The following PIK3C2B variants were observed in gnomAD, a reference collection of about 807,000 sequenced individuals.
PIK3C2B encodes the protein phosphatidylinositol-4-phosphate 3-kinase catalytic subunit type 2 beta, also known as phosphatidylinositol 4-phosphate 3-kinase C2 domain-containing subunit beta.
A neutral mutation model predicts 184.3 loss-of-function variants in PIK3C2B; 83 were observed. The observed-to-expected ratio is 0.45, with a 90% CI of 0.38 to 0.54. The LOEUF is 0.54. Ranked by LOEUF, PIK3C2B falls within the 20% of genes least tolerant of loss-of-function variation. The probability of loss-of-function intolerance (pLI) is 0.00; values close to 1 mark genes in which losing one functional copy is unlikely to be tolerated. For synonymous variants in PIK3C2B, 779 were observed against 837.6 expected (o/e 0.93, Z 1.21); for missense variants, 1,736 against 2,113.5 (o/e 0.82, Z 3.50).
rs747318448 is a variant in PIK3C2B at position 204,433,820 on chromosome 1, G to T, written c.3816C>A (p.Thr1272=). Residue 1272 remains threonine, a synonymous_variant, in exon 25 of 33, where the codon ACC becomes ACA. Coordinates refer to ENST00000684373, the MANE Select transcript of PIK3C2B (RefSeq NM_001377334.1). The surrounding 1 kb of genome is among the most constrained non-coding windows in gnomAD (Gnocchi z 5.0). ...GGCCCAGAAGGTTGAGGAAGAGGTG[G>T]GTGTGCTTGCGAATGAGGTTGTAGG... ...CQAYNLIRKH[T]HLFLNLLGLM... is the part of the protein sequence containing the mutation. The T allele has an allele frequency of 4.8e-5, 77 of 1,614,032 alleles. No individual in the cohort carries two copies. The highest frequency in any genetic ancestry group is 6.2e-5 in the Non-Finnish European group (73 of 1,180,002).
chr1:204,470,493 A>C lies in PIK3C2B; in HGVS notation c.-84-607T>G, dbSNP rs193028108. ...AAGAGGCACCTTCTATTAGCCAAGA[A>C]GAAGAGATGGAAGCAAAGCTTCTCC... On this transcript the variant is annotated intron_variant, in intron 1 of 32. Coordinates refer to ENST00000684373, the MANE Select transcript of PIK3C2B (RefSeq NM_001377334.1). Among the ~76,000 whole-genome samples, 874 of 152,332 alleles carry C rather than the reference A, an allele frequency of 5.7e-3. 5 individuals are homozygous for C. The highest frequency in any genetic ancestry group is 0.02 in the African/African-American group (815 of 41,572).
intron 29 of PIK3C2B, among the ~76,000 whole-genome samples, chr1:204,428,496 AG>A (rs1674869882): frequency 6.6e-6 from 1 of 152,180 alleles, no homozygotes; most frequent in African/African-American, 2.4e-5. Context: ...GTGAGTATTT[AG>A]GGGGTACAGT....
intron 12 of PIK3C2B, among the ~76,000 whole-genome samples, chr1:204,451,912 A>G (rs1293074775): frequency 6.6e-6 from 1 of 152,210 alleles, no homozygotes; most frequent in Non-Finnish European, 1.5e-5. Flanking sequence ...ACAATCCTGT[A>G]GGGTAGGCCC....
Position 204,469,820 on chromosome 1 carries a change from C to T in PIK3C2B, c.-18G>A. ...GAAGACATGGTGAGGATGGGGGACA[C>T]AGGCAACAAAGTCTCTACTTCCTGC... On this transcript the variant is annotated 5_prime_UTR_variant, in exon 2 of 33. The change creates a new upstream start codon in the 5' untranslated region. Coordinates refer to ENST00000684373, the MANE Select transcript of PIK3C2B (RefSeq NM_001377334.1). 1 of 1,578,190 alleles carries T rather than the reference C, an allele frequency of 6.3e-7. No homozygotes were observed. Among genetic ancestry groups the T allele is most frequent in the Non-Finnish European group, 8.7e-7 (1 of 1,147,834 alleles).
intron 28 of PIK3C2B, among the ~76,000 whole-genome samples, chr1:204,430,566 A>G (rs368877376): frequency 5.9e-5 from 9 of 151,634 alleles, no homozygotes; most frequent in African/African-American, 2.2e-4. Flanking sequence ...GCTGGTCTCA[A>G]ACTCCTTAGC....
chr1:204,435,145 T>A (rs1379525447), intron 23 of PIK3C2B, among the ~76,000 whole-genome samples: 2 of 152,208 alleles, frequency 1.3e-5, no homozygotes, highest in African/African-American at 2.4e-5. Context: ...CTAATTAAAG[T>A]CACTGCACTC....
At chr1:204,425,169 A>T in intron 32 of PIK3C2B, 129 bp from the exon 33 acceptor site, 1 of 678,312 alleles carries the variant, frequency 1.5e-6, no homozygotes, top group Non-Finnish European at 2.5e-6. Flanking sequence ...CACCCTGCAG[A>T]GTCCCAGGTA....
chr1:204,430,902 C>G (rs543389351), intron 28 of PIK3C2B, among the ~76,000 whole-genome samples: 13 of 152,306 alleles, frequency 8.5e-5, no homozygotes, highest in Admixed American at 7.8e-4. Context: ...AATCTGCCCA[C>G]CTAGGCCTCC....
rs1675087514 is a variant in PIK3C2B, at chr1:204,431,998, A to C, written c.4155+202T>G. ...TATGTTGCCAGGATCCTTGACTCAGAGGGAATAACCATCCAATTCAGCTAC... is the reference window on the plus strand; with the variant it reads ...TATGTTGCCAGGATCCTTGACTCAGCGGGAATAACCATCCAATTCAGCTAC... On this transcript the variant is annotated intron_variant, in intron 27 of 32. Transcript: ENST00000684373. Among the ~76,000 whole-genome samples the C allele has an allele frequency of 2.6e-5, 4 of 152,310 alleles. No individual in the cohort carries two copies. The East Asian group carries it at 5.8e-4, about 22-fold the overall frequency.
In PIK3C2B at chr1:204,469,373, GTCCTGGGGACGAAGAGAC is replaced by G; in HGVS notation, c.412_429del (p.Val138_Gly143del). Reference sequence around the variant, plus strand: ...TTGCAAGAGCCCTCTATGTCCCCTGGTCCTGGGGACGAAGAGACTCCCCCATCTGAACCATCAAAAATG... The same window carrying G: ...TTGCAAGAGCCCTCTATGTCCCCTGGTCCCCCATCTGAACCATCAAAAATG... On this transcript the variant is annotated inframe_deletion, in exon 2 of 33. Coordinates refer to ENST00000684373, the MANE Select transcript of PIK3C2B (RefSeq NM_001377334.1). 6.5e-7 allele frequency: 1 copy of G among 1,531,378 alleles called. No individual in the cohort carries two copies. Among genetic ancestry groups the G allele is most frequent in the Non-Finnish European group, 8.7e-7 (1 of 1,142,972 alleles). 94.9% of individuals were successfully genotyped at this position (1,531,378 alleles called of 1,614,324 possible).
chr1:204,441,489 G>C lies in PIK3C2B; in HGVS notation c.3231C>G (p.Asn1077Lys). 4 of 1,610,746 alleles carry C rather than the reference G, an allele frequency of 2.5e-6. No homozygotes were observed. The highest frequency in any genetic ancestry group is 2.5e-6 in the Non-Finnish European group (3 of 1,176,982). ...SFQNVDPLGE[N>K]IRVIFKCGDD... ...TTCTCACCTTGAAGATGACACGGATGTTCTCACCCAGGGGATCCACATTTT... is the reference window on the plus strand; with the variant it reads ...TTCTCACCTTGAAGATGACACGGATCTTCTCACCCAGGGGATCCACATTTT... The change falls in exon 21 of 33, where the codon AAC (asparagine) becomes AAG (lysine). Residue 1077 changes from asparagine (N) to lysine (K), a missense_variant. Asn to Lys is a moderately conservative substitution (Grantham distance 94). Around this residue, in one of 8 missense-constraint regions of PIK3C2B, gnomAD observed 289 missense variants for 380.4 expected, o/e 0.76. Coordinates refer to ENST00000684373, the MANE Select transcript of PIK3C2B (RefSeq NM_001377334.1).
chr1:204,457,382 T>C (rs1231831971), intron 9 of PIK3C2B, among the ~76,000 whole-genome samples: 2 of 152,244 alleles, frequency 1.3e-5, no homozygotes, highest in African/African-American at 4.8e-5. Flanking sequence ...GCTGGAGTCC[T>C]GGAGCCCCTG....
intron 1 of PIK3C2B, among the ~76,000 whole-genome samples, chr1:204,481,584 G>A (rs531256744): frequency 5.5e-4 from 83 of 152,274 alleles, no homozygotes; most frequent in Non-Finnish European, 5.1e-4. Flanking sequence ...TGGCAAAGAA[G>A]TCTGAGAAAA....
Position 204,425,738 on chromosome 1 carries a change from G to A in PIK3C2B, c.4591C>T (p.Leu1531=). ...IMVMHIRGLQ[L]LQDGNDPDPY... ...TCAGGGTCATTTCCATCCTGGAGCA[G>A]TTGCTACAATAGAATGAGAACCAAA... The change falls in exon 32 of 33, where the codon CTG becomes TTG. Residue 1531 remains leucine, a synonymous_variant. Coordinates refer to ENST00000684373, the MANE Select transcript of PIK3C2B (RefSeq NM_001377334.1). 6.2e-7 allele frequency: 1 copy of A among 1,612,752 alleles called. No homozygotes were observed. The highest frequency in any genetic ancestry group is 8.5e-7 in the Non-Finnish European group (1 of 1,179,670).
At position 204,468,813 on chromosome 1, in the gene PIK3C2B, C is replaced by T. The variant is rs970319287; in HGVS notation, c.933+57G>A. 10 of 1,420,050 alleles carry T rather than the reference C, an allele frequency of 7.0e-6. No homozygotes were observed. The African/African-American group carries it at 1.1e-4, about 16-fold the overall frequency. 88.0% of individuals were successfully genotyped at this position (1,420,050 alleles called of 1,614,324 possible). A position where few individuals can be genotyped will look rare whatever the true frequency, so the allele number is the denominator to read the frequency against. ...GGATGTAGAACAGCAGAGACTAGTC[C>T]CTGTTTCTGAAGGACATGGAGAAAG... On this transcript the variant is annotated intron_variant, in intron 2 of 32. Transcript: ENST00000684373.
Position 204,464,582 on chromosome 1 carries a change from G to A in PIK3C2B, c.1057C>T (p.Gln353Ter). The A allele has an allele frequency of 6.2e-7, 1 of 1,614,096 alleles. No homozygotes were observed. ...LDILRSGSDI[Q>*]DYFLTGYVWS... The stretch of plus-strand genomic sequence containing the variant: ...ACATAGCCAGTGAGGAAGTAGTCTT[G>A]GATGTCAGAGCCAGATCGAAGGCTG... Residue 353 changes from glutamine (Q) to a stop codon, truncating the protein, a stop_gained, in exon 4 of 33, where the codon CAA (glutamine) becomes TAA (stop). Transcript: ENST00000684373. LOFTEE classifies it high-confidence loss of function.
chr1:204,464,034 CGCAGGGCTTTA>C lies in PIK3C2B; in HGVS notation c.1277_1287del (p.Leu426ArgfsTer16). 6.2e-7 allele frequency: 1 copy of C among 1,614,148 alleles called. No homozygotes were observed. Among genetic ancestry groups the C allele is most frequent in the Non-Finnish European group, 8.5e-7 (1 of 1,180,016 alleles). On this transcript the variant is annotated frameshift_variant, in exon 5 of 33. Transcript: ENST00000684373. LOFTEE classifies it high-confidence loss of function. The stretch of plus-strand genomic sequence containing the variant: ...CACTTCTGCAGGAACTCCTCCAGCC[CGCAGGGCTTTA>C]GCACAAAGTCACCCACGTCCACATT...
In PIK3C2B at chr1:204,440,261, T is replaced by G; in HGVS notation, c.3310A>C (p.Ile1104Leu). ...TLQMIRIMSK[I>L]WVQEGLDMRM... is the part of the protein sequence containing the mutation. ...ATGTCCAGCCCCTCCTGGACCCAGATCTTGCTCATGATGCGAATCATCTGC... is the reference window on the plus strand; with the variant it reads ...ATGTCCAGCCCCTCCTGGACCCAGAGCTTGCTCATGATGCGAATCATCTGC... The change falls in exon 22 of 33, where the codon ATC becomes CTC. Residue 1104 changes from isoleucine (I) to leucine (L), a missense_variant. Transcript: ENST00000684373. 1.1e-5 allele frequency: 17 copies of G among 1,611,114 alleles called. No homozygotes were observed. The highest frequency in any genetic ancestry group is 1.4e-5 in the Non-Finnish European group (17 of 1,178,514).
rs1411434128 is a variant in PIK3C2B, at chr1:204,459,850, C to T, written c.1566+28G>A. ...GGGGAGAGGAGGAGCTTTCGGGCAG[C>T]AGGGCCAGCCCCTGGATTCGTACTC... On this transcript the variant is annotated intron_variant, in intron 8 of 32. Transcript: ENST00000684373. The T allele has an allele frequency of 2.5e-6, 4 of 1,598,870 alleles. No homozygotes were observed. In the East Asian group the frequency reaches 6.7e-5, roughly 27 times the overall value.
Sources: allele counts gnomAD v4.1 joint callset (sites outside exome capture counted in the v4.1 genomes callset), GRCh38; gene constraint gnomAD v4.1.1; regional missense constraint gnomAD v4.1.1; non-coding constraint Gnocchi (gnomAD v3.1); transcripts MANE v1.5; gene names NCBI Gene and HGNC (gene_info 2026-07-23, HGNC 2026-07-21).